Variants in CSRP2 observed in about 807,000 individuals in gnomAD.
CSRP2 encodes cysteine and glycine rich protein 2, also known as cysteine and glycine-rich protein 2.
A neutral mutation model predicts 24.6 loss-of-function variants in CSRP2; 18 were observed. The ratio of observed to expected loss-of-function variants is 0.73; its 90% confidence interval spans 0.51 to 1.09. The LOEUF (loss-of-function observed/expected upper bound fraction) is 1.09. CSRP2 is among the 50% of genes least tolerant of loss of function. The pLI is 0.00. For synonymous variants in CSRP2, 87 were observed against 84.3 expected, an observed-to-expected ratio of 1.03 and a Z score of -0.18; for missense variants, 215 against 239.4, an observed-to-expected ratio of 0.90 and a Z score of 0.67.
At chr12:76,860,508 C>T in intron 3 of CSRP2, 95 bp from the exon 4 acceptor site, 2 of 1,416,942 alleles carry the variant, frequency 1.4e-6, no homozygotes, top group Non-Finnish European at 1.9e-6. Flanking sequence ...GACTTAACCG[C>T]TACACTGCCT....
chr12:76,871,198 C>T (rs981658986), intron 1 of CSRP2, among the ~76,000 whole-genome samples: 4 of 152,062 alleles, frequency 2.6e-5, no homozygotes, highest in Admixed American at 2.6e-4. Flanking sequence ...TCTCTACCCA[C>T]AGAAATATTG....
In CSRP2 at chr12:76,859,692, C is replaced by T. The variant is rs1472505276; in HGVS notation, c.412-52G>A. ...TTTGAGAGGCCTGTTTCCTACAGTT[C>T]AATTTAGATGTATGGCAAGAAGTGG... On this transcript the variant is annotated intron_variant, in intron 4 of 5. Coordinates refer to ENST00000311083, the MANE Select transcript of CSRP2 (RefSeq NM_001321.3). 5 of 1,358,936 alleles carry T rather than the reference C, an allele frequency of 3.7e-6. No individual in the cohort carries two copies. The African/African-American group carries it at 4.3e-5, about 12-fold the overall frequency. 84.2% of individuals were successfully genotyped at this position (1,358,936 alleles called of 1,614,324 possible). A position where few individuals can be genotyped will look rare whatever the true frequency, so the allele number is the denominator to read the frequency against.
intron 2 of CSRP2, chr12:76,864,339 A>G (rs553586545): frequency 1.3e-4 from 20 of 152,314 alleles, no homozygotes; most frequent in African/African-American, 4.8e-4. Context: ...TCGGAAGGGT[A>G]GGGTGTCGGG....
intron 1 of CSRP2, among the ~76,000 whole-genome samples, chr12:76,873,293 G>A (rs1953819691): frequency 6.6e-6 from 1 of 152,184 alleles, no homozygotes; most frequent in South Asian, 2.1e-4. Flanking sequence ...ATGTAAGTTA[G>A]TAGCACTGTC....
chr12:76,868,675 G>T (rs1273970947), intron 1 of CSRP2, among the ~76,000 whole-genome samples: 3 of 152,224 alleles, frequency 2.0e-5, no homozygotes, highest in Admixed American at 6.5e-5. Flanking sequence ...GCCAGGTGCG[G>T]TGGCTCAAGC....
chr12:76,873,577 C>T (rs903740694), intron 1 of CSRP2, among the ~76,000 whole-genome samples: 3 of 152,180 alleles, frequency 2.0e-5, no homozygotes, highest in Non-Finnish European at 2.9e-5. Context: ...AGTAAGAACA[C>T]GCGTTTGGAG....
intron 4 of CSRP2, among the ~76,000 whole-genome samples, chr12:76,859,961 C>T (rs1046216339): frequency 2.6e-5 from 4 of 152,206 alleles, no homozygotes; most frequent in Non-Finnish European, 4.4e-5. Flanking sequence ...ACACTGAATT[C>T]GCATCAGGTG....
Position 76,863,286 on chromosome 12 carries a change from G to C in CSRP2, c.171C>G (p.Tyr57Ter), listed in dbSNP as rs755090372. Reference protein sequence around the residue: ...TTVAIHDEEIYCKSCYGKKYG... With the variant: ...TTVAIHDEEI ...ACTTCTTTCCGTAGCAGGATTTGCA[G>C]TAGATCTCTTCATCGTGAATTGCCA... The change falls in exon 3 of 6, where the codon TAC (tyrosine) becomes TAG (stop). Residue 57 changes from tyrosine (Y) to a stop codon, truncating the protein, a stop_gained. Transcript: ENST00000311083. LOFTEE classifies it high-confidence loss of function. 1.9e-6 allele frequency: 3 copies of C among 1,614,226 alleles called. No individual in the cohort carries two copies. In the Admixed American group the frequency reaches 5.0e-5, roughly 27 times the overall value.
intron 1 of CSRP2, among the ~76,000 whole-genome samples, chr12:76,873,413 T>C (rs1052920677): frequency 6.6e-6 from 1 of 152,192 alleles, no homozygotes; most frequent in Non-Finnish European, 1.5e-5. Flanking sequence ...TTACCCCAAC[T>C]ACCCACTTAG....
intron 5 of CSRP2, 71 bp from the exon 6 acceptor site, chr12:76,859,099 C>T (rs1953648694): frequency 4.1e-6 from 5 of 1,214,330 alleles, no homozygotes; most frequent in Admixed American, 1.8e-5. Flanking sequence ...TTAAGACCCA[C>T]TCAACAAACC....
Position 76,863,288 on chromosome 12 carries a change from AGATCTC to A in CSRP2, c.163_168del (p.Glu55_Ile56del). The A allele has an allele frequency of 6.2e-7, 1 of 1,614,248 alleles. No homozygotes were observed. Among genetic ancestry groups the A allele is most frequent in the East Asian group, 2.2e-5 (1 of 44,886 alleles). On this transcript the variant is annotated inframe_deletion, in exon 3 of 6. Coordinates refer to ENST00000311083, the MANE Select transcript of CSRP2 (RefSeq NM_001321.3). ...TTCTTTCCGTAGCAGGATTTGCAGT[AGATCTC>A]TTCATCGTGAATTGCCACTGTTGTG... is the stretch of plus-strand genomic sequence containing the variant.
At chr12:76,859,962 G>A (rs1425162699) in intron 4 of CSRP2, among the ~76,000 whole-genome samples, 1 of 152,202 alleles carries the variant, frequency 6.6e-6, no homozygotes, top group African/African-American at 2.4e-5. Flanking sequence ...CACTGAATTC[G>A]CATCAGGTGT....
chr12:76,863,270 C>T lies in CSRP2; in HGVS notation c.187G>A (p.Gly63Arg), dbSNP rs750932703. 1.2e-6 allele frequency: 2 copies of T among 1,614,234 alleles called. No individual in the cohort carries two copies. Among genetic ancestry groups the T allele is most frequent in the Admixed American group, 1.7e-5 (1 of 60,030 alleles). Residue 63 changes from glycine (G) to arginine (R), a missense_variant, in exon 3 of 6, where the codon GGA becomes AGA. Coordinates refer to ENST00000311083, the MANE Select transcript of CSRP2 (RefSeq NM_001321.3). ...DEEIYCKSCY[G>R]KKYGPKGYGY... Reference sequence around the variant, plus strand: ...TAGCCTTTTGGCCCATACTTCTTTCCGTAGCAGGATTTGCAGTAGATCTCT... The same window carrying T: ...TAGCCTTTTGGCCCATACTTCTTTCTGTAGCAGGATTTGCAGTAGATCTCT...
At chr12:76,878,537 G>C (rs1953874615) in intron 1 of CSRP2, among the ~76,000 whole-genome samples, 1 of 152,198 alleles carries the variant, frequency 6.6e-6, no homozygotes, top group African/African-American at 2.4e-5. Flanking sequence ...CCCCACCCCA[G>C]AGAGAGCCTG....
At chr12:76,875,019 C>T (rs1321040896) in intron 1 of CSRP2, among the ~76,000 whole-genome samples, 1 of 152,164 alleles carries the variant, frequency 6.6e-6, no homozygotes, top group Non-Finnish European at 1.5e-5. Flanking sequence ...AAATCAGGCT[C>T]ATGTTTTGAT....
intron 3 of CSRP2, chr12:76,862,664 A>G (rs762523769): frequency 1.7e-5 from 18 of 1,085,062 alleles, no homozygotes; most frequent in Admixed American, 3.8e-5. Flanking sequence ...AAAGCCTTTA[A>G]AGTTTAACAC....
intron 1 of CSRP2, among the ~76,000 whole-genome samples, chr12:76,869,025 A>G (rs1953764992): frequency 6.6e-6 from 1 of 152,132 alleles, no homozygotes; most frequent in Admixed American, 6.5e-5. Flanking sequence ...CTATAACAGT[A>G]TACCAGAGAC....
chr12:76,867,552 C>T (rs1266695303), intron 1 of CSRP2, among the ~76,000 whole-genome samples: 1 of 152,186 alleles, frequency 6.6e-6, no homozygotes, highest in East Asian at 1.9e-4. Context: ...CCTCAGATGC[C>T]TTAACCAGTA....
At chr12:76,859,459 T>A in intron 5 of CSRP2, 88 bp downstream of exon 5, 2 of 847,030 alleles carry the variant, frequency 2.4e-6, no homozygotes, top group Non-Finnish European at 3.6e-6. Context: ...TACTTTTCTT[T>A]TTTTTTTTTT....
Sources: gnomAD v4.1 joint callset for allele counts (sites outside exome capture counted in the v4.1 genomes callset) on GRCh38, gnomAD v4.1.1 for gene constraint, MANE v1.5 for transcripts, NCBI Gene and HGNC (gene_info 2026-07-23, HGNC 2026-07-21) for gene names.